The following BMP8A variants were observed in gnomAD, a reference collection of about 807,000 sequenced individuals.
BMP8A encodes the protein bone morphogenetic protein 8a.
Under a neutral mutation model 36.8 loss-of-function variants are expected in BMP8A, and 14 were observed. The observed-to-expected ratio is 0.38, with a 90% CI of 0.25 to 0.60. The LOEUF is 0.60. Among genes scored for constraint, BMP8A ranks in the 20% least tolerant of loss-of-function variants. The pLI, the probability that BMP8A is intolerant of heterozygous loss-of-function variation, is 0.63. For missense variants in BMP8A, 267 were observed against 551.1 expected (o/e 0.48, Z 5.16); for synonymous variants, 120 against 237.7 (o/e 0.50, Z 4.55).
At chr1:39,497,753 C>T (rs1265154015) in intron 1 of BMP8A, among the ~76,000 whole-genome samples, 1 of 152,232 alleles carries the variant, frequency 6.6e-6, no homozygotes, top group Non-Finnish European at 1.5e-5. Flanking sequence ...GCCCCTGCCC[C>T]CCACCCCGTG....
rs995568096 is a variant in BMP8A, at chr1:39,527,276, G to A, written c.*1478G>A. Among the ~76,000 whole-genome samples, 14 of 152,270 alleles carry A rather than the reference G, an allele frequency of 9.2e-5. No individual in the cohort carries two copies. In the South Asian group the frequency reaches 1.9e-3, roughly 20 times the overall value. ...GTTTGTCTCGGCCTCCACTGTTCCC[G>A]GAAACCGCTGTTCTCCTTGGAACAG... On this transcript the variant is annotated 3_prime_UTR_variant, in exon 7 of 7. Coordinates refer to ENST00000331593, the MANE Select transcript of BMP8A (RefSeq NM_181809.4).
chr1:39,509,237 C>T (rs765672903), intron 1 of BMP8A, among the ~76,000 whole-genome samples: 1 of 152,160 alleles, frequency 6.6e-6, no homozygotes, highest in East Asian at 1.9e-4. Flanking sequence ...CTGTCGCATG[C>T]CCTGTGACAG....
At chr1:39,522,201 GC>G (rs1208498498) in intron 4 of BMP8A, 1 of 552,870 alleles carries the variant, frequency 1.8e-6, no homozygotes, top group East Asian at 3.3e-5. Context: ...TGTCACTCTA[GC>G]CATTGGGAGC....
At chr1:39,513,395 C>G (rs1645373235) in intron 3 of BMP8A, among the ~76,000 whole-genome samples, 1 of 139,896 alleles carries the variant, frequency 7.1e-6, no homozygotes, top group South Asian at 2.2e-4. Flanking sequence ...AGAGTGAAGT[C>G]AGAGAGACGT....
chr1:39,494,002 G>A (rs1235379145), intron 1 of BMP8A, among the ~76,000 whole-genome samples: 3 of 152,252 alleles, frequency 2.0e-5, no homozygotes, highest in East Asian at 3.8e-4. Context: ...TGACCTTAGG[G>A]AAGTTCCTCA....
In BMP8A at chr1:39,501,116, C is replaced by A. The variant is rs1246368560; in HGVS notation, c.334+8791C>A. On this transcript the variant is annotated intron_variant, in intron 1 of 6. Transcript: ENST00000331593. ...TGGTGAGAGGAAGCAAGAGAGCAAGCCAGACTTTTTAACAGCCTCCCCCAT... is the reference window on the plus strand; with the variant it reads ...TGGTGAGAGGAAGCAAGAGAGCAAGACAGACTTTTTAACAGCCTCCCCCAT... Among the ~76,000 whole-genome samples the A allele has an allele frequency of 5.3e-5, 8 of 152,244 alleles. No homozygotes were observed. The East Asian group carries it at 1.5e-3, about 29-fold the overall frequency.
intron 1 of BMP8A, among the ~76,000 whole-genome samples, chr1:39,498,672 GCC>G (rs1645227008): frequency 6.6e-6 from 1 of 152,058 alleles, no homozygotes. Flanking sequence ...CATGAGTCCC[GCC>G]CTCCCTTGGC....
intron 5 of BMP8A, 145 bp from the exon 6 acceptor site, chr1:39,522,862 C>T: frequency 2.2e-6 from 2 of 892,090 alleles, no homozygotes; most frequent in East Asian, 5.1e-5. Flanking sequence ...GGCCTGAGCT[C>T]CTGCCCAGCC....
rs148153508 is a variant in BMP8A, at chr1:39,491,997, C to T, written c.6C>T (p.Ala2=). The part of the protein sequence containing the change: M[A]ARPGPLWLLG... Reference sequence around the variant, plus strand: ...CTGAGCGCCCCCGGCCCGCCATGGCCGCGCGCCCCGGACCGCTCTGGCTTC... The same window carrying T: ...CTGAGCGCCCCCGGCCCGCCATGGCTGCGCGCCCCGGACCGCTCTGGCTTC... The change falls in exon 1 of 7, where the codon GCC becomes GCT. Residue 2 remains alanine (A), a synonymous_variant. Coordinates refer to ENST00000331593, the MANE Select transcript of BMP8A (RefSeq NM_181809.4). 2.8e-6 allele frequency: 3 copies of T among 1,082,330 alleles called. No homozygotes were observed. The highest frequency in any genetic ancestry group is 1.1e-4 in the Admixed American group (2 of 19,006). 67.0% of individuals were successfully genotyped at this position (1,082,330 alleles called of 1,614,324 possible). A position where few individuals can be genotyped will look rare whatever the true frequency, so the allele number is the denominator to read the frequency against.
Position 39,515,007 on chromosome 1 carries a change from G to A in BMP8A, c.673+3103G>A, listed in dbSNP as rs1259417410. 20 of 1,536,296 alleles carry A rather than the reference G, an allele frequency of 1.3e-5. 1 individual carries two copies. In the Admixed American group the frequency reaches 1.9e-4, roughly 15 times the overall value. Reference sequence around the variant, plus strand: ...AGTGCTCGGGCGCGGGGTCCCCGCCGGCGGCTCAGGGCTCGCGCTGTCCCA... The same window carrying A: ...AGTGCTCGGGCGCGGGGTCCCCGCCAGCGGCTCAGGGCTCGCGCTGTCCCA... On this transcript the variant is annotated intron_variant, in intron 3 of 6. Coordinates refer to ENST00000331593, the MANE Select transcript of BMP8A (RefSeq NM_181809.4).
chr1:39,495,187 A>G (rs1415460040), intron 1 of BMP8A, among the ~76,000 whole-genome samples: 8 of 152,118 alleles, frequency 5.3e-5, no homozygotes, highest in Non-Finnish European at 1.2e-4. Flanking sequence ...CACCTCTCCT[A>G]TCAGCCTCAT....
At position 39,528,682 on chromosome 1, in the gene BMP8A, C is replaced by T. The variant is rs969376655; in HGVS notation, c.*2884C>T. On this transcript the variant is annotated 3_prime_UTR_variant, in exon 7 of 7. Transcript: ENST00000331593. Reference sequence around the variant, plus strand: ...AGGTTTTGGAGCCAAGTCGACCTGGCATCAGGTCCTGGCTGCCTTTTTTTT... The same window carrying T: ...AGGTTTTGGAGCCAAGTCGACCTGGTATCAGGTCCTGGCTGCCTTTTTTTT... Among the ~76,000 whole-genome samples, 24 of 149,196 alleles carry T rather than the reference C, an allele frequency of 1.6e-4. No homozygotes were observed. Among genetic ancestry groups the T allele is most frequent in the African/African-American group, 5.6e-4 (23 of 40,732 alleles).
At chr1:39,495,053 G>A (rs1645193505) in intron 1 of BMP8A, among the ~76,000 whole-genome samples, 1 of 152,162 alleles carries the variant, frequency 6.6e-6, no homozygotes, top group African/African-American at 2.4e-5. Context: ...CACGTACCAG[G>A]ATGCTCTCAG....
intron 1 of BMP8A, among the ~76,000 whole-genome samples, chr1:39,502,194 C>G (rs1645259135): frequency 7.0e-6 from 1 of 142,798 alleles, no homozygotes; most frequent in African/African-American, 2.6e-5. Flanking sequence ...GCTGAGATCA[C>G]GCCACTGCAC....
Position 39,507,461 on chromosome 1 carries a change from C to T in BMP8A, c.335-3713C>T, listed in dbSNP as rs942159122. Among the ~76,000 whole-genome samples, 114 of 152,212 alleles carry T rather than the reference C, an allele frequency of 7.5e-4. 3 individuals are homozygous for T. On this transcript the variant is annotated intron_variant, in intron 1 of 6. Coordinates refer to ENST00000331593, the MANE Select transcript of BMP8A (RefSeq NM_181809.4). ...GGCCTCGAGCGCTTTTGGCCAGTTC[C>T]AGCATGGTTTTAATGCCCCATTTCC...
In BMP8A at chr1:39,522,189, A is replaced by T. The variant is rs547690412; in HGVS notation, c.869-214A>T. ...TGAAGGACAGGGGAGGACTGGGCACAGTGTCACTCTAGCCATTGGGAGCCA... is the reference window on the plus strand; with the variant it reads ...TGAAGGACAGGGGAGGACTGGGCACTGTGTCACTCTAGCCATTGGGAGCCA... On this transcript the variant is annotated intron_variant, in intron 4 of 6. Coordinates refer to ENST00000331593, the MANE Select transcript of BMP8A (RefSeq NM_181809.4). 55 of 534,978 alleles carry T rather than the reference A, an allele frequency of 1.0e-4. 1 individual carries two copies. In the South Asian group the frequency reaches 1.2e-3, roughly 12 times the overall value. 33.1% of individuals were successfully genotyped at this position (534,978 alleles called of 1,614,324 possible).
rs1050176541 is a variant in BMP8A, at chr1:39,528,553, C to T, written c.*2755C>T. Among the ~76,000 whole-genome samples the T allele has an allele frequency of 4.6e-5, 7 of 152,160 alleles. No homozygotes were observed. Among genetic ancestry groups the T allele is most frequent in the Admixed American group, 1.3e-4 (2 of 15,284 alleles). On this transcript the variant is annotated 3_prime_UTR_variant, in exon 7 of 7. Transcript: ENST00000331593. ...AGTGCTGGCCCTAATGCCAGGTGAG[C>T]GTGCAAAGTCCTGTTTCTTTGTCTT...
intron 1 of BMP8A, among the ~76,000 whole-genome samples, chr1:39,506,082 T>C (rs907739260): frequency 1.3e-5 from 2 of 151,432 alleles, no homozygotes; most frequent in Non-Finnish European, 2.9e-5. Flanking sequence ...ACACTAAATG[T>C]ATTCGTGTAT....
intron 3 of BMP8A, among the ~76,000 whole-genome samples, chr1:39,517,593 G>C (rs1156735541): frequency 6.6e-6 from 1 of 152,186 alleles, no homozygotes; most frequent in Admixed American, 6.5e-5. Flanking sequence ...CCAAAGTACA[G>C]GCTTGAGCCA....
Sources: gnomAD v4.1 joint callset for allele counts (sites outside exome capture counted in the v4.1 genomes callset) on GRCh38, gnomAD v4.1.1 for gene constraint, MANE v1.5 for transcripts, NCBI Gene and HGNC (gene_info 2026-07-23, HGNC 2026-07-21) for gene names.